The following DNAH3 variants were observed in gnomAD, a reference collection of about 807,000 sequenced individuals.
The protein encoded by DNAH3 is dynein axonemal heavy chain 3.
DNAH3 carries 332 observed loss-of-function variants against 432.5 expected under a neutral mutation model. That is an observed-to-expected ratio of 0.77 (90% CI 0.70 to 0.84). The LOEUF is 0.84. DNAH3 is among the 40% of genes least tolerant of loss of function. DNAH3 has a pLI of 0.00. For synonymous variants in DNAH3, 1,956 were observed against 1,900.2 expected, an observed-to-expected ratio of 1.03 and a Z score of -0.76; for missense variants, 4,861 against 5,114.0, an observed-to-expected ratio of 0.95 and a Z score of 1.51.
At chr16:21,029,358 T>G (rs1289650188) in intron 37 of DNAH3, among the ~76,000 whole-genome samples, 1 of 152,252 alleles carries the variant, frequency 6.6e-6, no homozygotes, top group Non-Finnish European at 1.5e-5. Flanking sequence ...TTGATAATGA[T>G]GTATATCCAG....
At chr16:21,141,165 A>C (rs2092713468) in intron 4 of DNAH3, 135 bp downstream of exon 5, 1 of 715,422 alleles carries the variant, frequency 1.4e-6, no homozygotes, top group Admixed American at 3.1e-5. Flanking sequence ...TTTTTGATTA[A>C]AGTGATTCGT....
At chr16:21,124,390 C>T (rs2092404346) in intron 9 of DNAH3, among the ~76,000 whole-genome samples, 1 of 152,164 alleles carries the variant, frequency 6.6e-6, no homozygotes, top group African/African-American at 2.4e-5. Flanking sequence ...AACAACTTCT[C>T]TACTTCTGTA....
intron 52 of DNAH3, 27 bp from the exon 53 acceptor site, chr16:20,965,452 T>A: frequency 1.3e-6 from 2 of 1,497,064 alleles, no homozygotes; most frequent in South Asian, 2.8e-5. Context: ...ACAGAGATAA[T>A]GTGTTAAGAC....
rs1597401212 is a variant in DNAH3, at chr16:21,113,747, C to T, written c.1815-1649G>A. ...GTGCTAGGATTACAGGCATGCATCA[C>T]CAGGCCGGGCCCAATGTCTTTAATT... On this transcript the variant is annotated intron_variant, in intron 12 of 61. Transcript: ENST00000261383. 2.0e-5 allele frequency among the ~76,000 whole-genome samples: 3 copies of T among 152,192 alleles called. No homozygotes were observed. In the South Asian group the frequency reaches 6.2e-4, roughly 31 times the overall value.
At chr16:20,956,780 G>A (rs2084584386) in intron 54 of DNAH3, among the ~76,000 whole-genome samples, 1 of 152,144 alleles carries the variant, frequency 6.6e-6, no homozygotes, top group South Asian at 2.1e-4. Context: ...CTGGAGTGCA[G>A]TGGTGCAATC....
At chr16:20,981,590 A>AGGCT (rs1387719045) in intron 49 of DNAH3, among the ~76,000 whole-genome samples, 1 of 152,032 alleles carries the variant, frequency 6.6e-6, no homozygotes, top group African/African-American at 2.4e-5. Context: ...CTGGGCATGG[A>AGGCT]GGCTCACACC....
At chr16:21,078,885 G>A (rs1390714121) in intron 20 of DNAH3, among the ~76,000 whole-genome samples, 1 of 152,192 alleles carries the variant, frequency 6.6e-6, no homozygotes, top group African/African-American at 2.4e-5. Context: ...CTAAATGGTG[G>A]TGGCTGAGTC....
At chr16:21,075,914 C>CAAAAAAAA (rs34186982) in intron 20 of DNAH3, among the ~76,000 whole-genome samples, 1 of 52,684 alleles carries the variant, frequency 1.9e-5, no homozygotes, top group African/African-American at 8.1e-5. Flanking sequence ...AACCCTGTCT[C>CAAAAAAAA]AAAAAAAAAA....
chr16:21,113,718 C>T (rs1294811299), intron 12 of DNAH3, among the ~76,000 whole-genome samples: 1 of 152,180 alleles, frequency 6.6e-6, no homozygotes, highest in African/African-American at 2.4e-5. Flanking sequence ...CTTGGCCTCC[C>T]AAAGTGCTAG....
chr16:21,005,148 GTC>G (rs892256141), intron 41 of DNAH3, among the ~76,000 whole-genome samples: 1 of 138,300 alleles, frequency 7.2e-6, no homozygotes. Context: ...TCTTTCTCTC[GTC>G]TCTTTCTTTT....
chr16:21,149,434 G>A (rs1008227691), intron 1 of DNAH3, among the ~76,000 whole-genome samples: 1 of 152,142 alleles, frequency 6.6e-6, no homozygotes, highest in Non-Finnish European at 1.5e-5. Context: ...AGATACAACA[G>A]AAATTCTGGA....
At chr16:21,082,567 C>T (rs1271674030) in intron 19 of DNAH3, among the ~76,000 whole-genome samples, 1 of 152,114 alleles carries the variant, frequency 6.6e-6, no homozygotes, top group East Asian at 1.9e-4. Flanking sequence ...CAGTGGCTTA[C>T]TCCTGTAATC....
intron 52 of DNAH3, among the ~76,000 whole-genome samples, chr16:20,967,209 G>A (rs963036804): frequency 1.3e-4 from 20 of 152,214 alleles, no homozygotes; most frequent in East Asian, 3.9e-4. Flanking sequence ...AAGGTACCCC[G>A]AACTAACTCA....
chr16:21,091,911 T>C (rs983193379), intron 18 of DNAH3, among the ~76,000 whole-genome samples: 2 of 152,072 alleles, frequency 1.3e-5, no homozygotes, highest in African/African-American at 4.8e-5. Context: ...ACCAAAATAT[T>C]TGCAAGATCT....
At chr16:21,097,249 T>C in intron 18 of DNAH3, 106 bp downstream of exon 18, 1 of 1,352,694 alleles carries the variant, frequency 7.4e-7, no homozygotes. Context: ...CAGAATCTGA[T>C]TAAAAGTCCA....
chr16:21,031,154 C>T (rs535451063), exon 37 of DNAH3: 46 of 1,614,118 alleles, frequency 2.8e-5, no homozygotes, highest in South Asian at 1.2e-4. Flanking sequence ...CGCTTGCTCC[C>T]GGAAAGCATT....
At chr16:21,076,883 A>G (rs897443439) in intron 20 of DNAH3, among the ~76,000 whole-genome samples, 9 of 152,102 alleles carry the variant, frequency 5.9e-5, no homozygotes, top group African/African-American at 2.2e-4. Flanking sequence ...GACCTAGCAA[A>G]CTCACATAGG....
At chr16:21,061,896 T>C (rs2090373296) in intron 25 of DNAH3, among the ~76,000 whole-genome samples, 1 of 152,192 alleles carries the variant, frequency 6.6e-6, no homozygotes, top group African/African-American at 2.4e-5. Flanking sequence ...GGTGTCTGCA[T>C]TGGTAATGTG....
intron 51 of DNAH3, among the ~76,000 whole-genome samples, chr16:20,972,152 C>T (rs772275341): frequency 6.6e-6 from 1 of 152,008 alleles, no homozygotes; most frequent in African/African-American, 2.4e-5. Flanking sequence ...AGGGCAGCTC[C>T]GATGTTGCCA....
Sources: gnomAD v4.1 joint callset for allele counts (sites outside exome capture counted in the v4.1 genomes callset) on GRCh38, gnomAD v4.1.1 for gene constraint, MANE v1.5 for transcripts, NCBI Gene and HGNC (gene_info 2026-07-23, HGNC 2026-07-21) for gene names.